The following KAZN variants were observed in gnomAD, a reference collection of about 807,000 sequenced individuals.
The protein encoded by KAZN is kazrin, periplakin interacting protein.
A neutral mutation model predicts 87.4 loss-of-function variants in KAZN; 40 were observed. The observed-to-expected ratio is 0.46, with a 90% CI of 0.36 to 0.60. KAZN has a LOEUF of 0.60. KAZN is among the 20% of genes least tolerant of loss of function. The pLI is 0.00. For synonymous variants in KAZN, 466 were observed against 458.3 expected, an observed-to-expected ratio of 1.02 and a Z score of -0.22; for missense variants, 898 against 1,073.9, an observed-to-expected ratio of 0.84 and a Z score of 2.29.
intron 2 of KAZN, among the ~76,000 whole-genome samples, chr1:14,294,648 C>A (rs1252486724): frequency 7.0e-6 from 1 of 143,292 alleles, no homozygotes; most frequent in Non-Finnish European, 1.5e-5. Context: ...TGAGCCTGGG[C>A]AGTTTCCCTG....
chr1:14,068,120 T>TCC (rs5772561), intron 1 of KAZN, among the ~76,000 whole-genome samples: 2 of 150,116 alleles, frequency 1.3e-5, no homozygotes, highest in East Asian at 2.0e-4. Flanking sequence ...GTGTTGATGT[T>TCC]CCCCCCCCCA....
intron 2 of KAZN, among the ~76,000 whole-genome samples, chr1:14,330,029 A>T (rs1656732946): frequency 1.3e-5 from 2 of 152,212 alleles, no homozygotes; most frequent in Admixed American, 6.5e-5. Flanking sequence ...AACACCTGGA[A>T]GCTGCTCAGG....
intron 2 of KAZN, among the ~76,000 whole-genome samples, chr1:14,239,498 T>A (rs1414227446): frequency 2.7e-5 from 4 of 149,534 alleles, no homozygotes; most frequent in Non-Finnish European, 5.9e-5. Context: ...TTCACTCTTG[T>A]TGCCCAGGCT....
chr1:14,411,602 C>A (rs1363561854), intron 2 of KAZN, among the ~76,000 whole-genome samples: 3 of 152,166 alleles, frequency 2.0e-5, no homozygotes, highest in Non-Finnish European at 2.9e-5. Flanking sequence ...GCTCCCCTGG[C>A]AAGACTAAAT....
At chr1:13,964,316 AAAG>A (rs1570403095) in intron 1 of KAZN, among the ~76,000 whole-genome samples, 1 of 152,246 alleles carries the variant, frequency 6.6e-6, no homozygotes, top group African/African-American at 2.4e-5. Flanking sequence ...TGTGGACAAA[AAAG>A]AAGAAAGCAG....
intron 4 of KAZN, among the ~76,000 whole-genome samples, chr1:15,045,735 A>T (rs1673410386): frequency 6.6e-6 from 1 of 152,200 alleles, no homozygotes; most frequent in Admixed American, 6.5e-5. Flanking sequence ...AAGGCAAAGG[A>T]GAAACAAGGC....
At chr1:14,705,189 C>T (rs1642146597) in intron 1 of KAZN, among the ~76,000 whole-genome samples, 1 of 152,194 alleles carries the variant, frequency 6.6e-6, no homozygotes. Flanking sequence ...CATATGTGCA[C>T]ACTCATCCCA....
chr1:14,926,787 C>T (rs1659214140), intron 1 of KAZN, among the ~76,000 whole-genome samples: 1 of 152,172 alleles, frequency 6.6e-6, no homozygotes, highest in Non-Finnish European at 1.5e-5. Flanking sequence ...GGCTCTTCCT[C>T]GAATCTCAGC....
At chr1:14,028,922 C>T (rs372134765) in intron 1 of KAZN, among the ~76,000 whole-genome samples, 7 of 152,084 alleles carry the variant, frequency 4.6e-5, no homozygotes, top group East Asian at 1.9e-4. Context: ...TGAATAATGC[C>T]GCAATAAACA....
At chr1:14,811,887 T>C (rs1393342797) in intron 1 of KAZN, among the ~76,000 whole-genome samples, 8 of 152,090 alleles carry the variant, frequency 5.3e-5, no homozygotes, top group Admixed American at 5.2e-4. Context: ...GGTCACGCAG[T>C]GAGTAAATGG....
At chr1:14,455,439 G>C (rs866450049) in intron 2 of KAZN, among the ~76,000 whole-genome samples, 1 of 152,098 alleles carries the variant, frequency 6.6e-6, no homozygotes, top group Non-Finnish European at 1.5e-5. Flanking sequence ...GGATCACTGC[G>C]GGCCATCTTG....
At position 14,416,680 on chromosome 1, in the gene KAZN, T is replaced by G. The variant is rs1160666686; in HGVS notation, c.250-182303T>G. On this transcript the variant is annotated intron_variant, in intron 2 of 16. Transcript: ENST00000636203. The stretch of plus-strand genomic sequence containing the variant: ...TGAACCCAGGAGACAGAGGTTGCAG[T>G]GAGCTGAGATCACGCCACTGCACTC... Among the ~76,000 whole-genome samples, 3 of 151,932 alleles carry G rather than the reference T, an allele frequency of 2.0e-5. No individual in the cohort carries two copies. In the East Asian group the frequency reaches 5.8e-4, roughly 29 times the overall value.
chr1:14,959,048 G>A (rs1368552324), intron 1 of KAZN, among the ~76,000 whole-genome samples: 1 of 152,232 alleles, frequency 6.6e-6, no homozygotes, highest in Non-Finnish European at 1.5e-5. Flanking sequence ...CAGATCCATA[G>A]GGCATGACAG....
chr1:14,213,494 G>A (rs1420113605), intron 2 of KAZN, among the ~76,000 whole-genome samples: 1 of 152,146 alleles, frequency 6.6e-6, no homozygotes, highest in African/African-American at 2.4e-5. Flanking sequence ...ACAGAGGAGG[G>A]CAAGTGCAAA....
chr1:14,866,686 C>CA (rs1651494382), intron 1 of KAZN, among the ~76,000 whole-genome samples: 1 of 152,192 alleles, frequency 6.6e-6, no homozygotes, highest in Admixed American at 6.5e-5. Context: ...GTGATTGTGC[C>CA]ACTGCACTCC....
chr1:14,837,558 T>TTA (rs1186712896), intron 1 of KAZN, among the ~76,000 whole-genome samples: 200 of 148,690 alleles, frequency 1.3e-3, no homozygotes, highest in African/African-American at 4.7e-3. Context: ...TAATTTTTTT[T>TTA]TTTTTTTTTT....
chr1:13,923,215 T>C (rs997127522), intron 1 of KAZN, among the ~76,000 whole-genome samples: 1 of 152,250 alleles, frequency 6.6e-6, no homozygotes, highest in Non-Finnish European at 1.5e-5. Context: ...ATATGTATTA[T>C]GTACTATATC....
chr1:14,399,744 A>G (rs970049165), intron 2 of KAZN, among the ~76,000 whole-genome samples: 1 of 151,896 alleles, frequency 6.6e-6, no homozygotes, highest in African/African-American at 2.4e-5. Flanking sequence ...CAAAACCCCT[A>G]CCTGTGCTTC....
intron 7 of KAZN, 116 bp from the exon 8 acceptor site, chr1:15,065,514 T>G (rs1639155387): frequency 2.3e-5 from 21 of 914,866 alleles, no homozygotes; most frequent in Non-Finnish European, 3.6e-5. Flanking sequence ...CCCACTGGCT[T>G]AAAGCTCAGA....
Sources: allele counts gnomAD v4.1 joint callset (sites outside exome capture counted in the v4.1 genomes callset), GRCh38; gene constraint gnomAD v4.1.1; transcripts MANE v1.5; gene names NCBI Gene and HGNC (gene_info 2026-07-23, HGNC 2026-07-21).